The following FARS2 variants were observed in gnomAD, a reference collection of about 807,000 sequenced individuals.
FARS2 encodes the protein phenylalanine--tRNA ligase, mitochondrial.
In FARS2, 40 loss-of-function variants were observed where a neutral mutation model predicts 46.4. That is an observed-to-expected ratio of 0.86 (90% CI 0.67 to 1.12). FARS2 has a LOEUF of 1.12. Ranked by LOEUF, FARS2 falls within the 50% of genes most tolerant of loss-of-function variation. The pLI is 0.00. For synonymous variants in FARS2, 234 were observed against 214.9 expected (o/e 1.09, Z -0.78); for missense variants, 513 against 567.9 (o/e 0.90, Z 0.98).
chr6:5,406,665 T>C (rs1761615257), intron 3 of FARS2, among the ~76,000 whole-genome samples: 1 of 152,146 alleles, frequency 6.6e-6, no homozygotes, highest in Non-Finnish European at 1.5e-5. Flanking sequence ...TATCCATACA[T>C]TCATTGATAG....
chr6:5,545,333 A>C lies in FARS2; in HGVS notation c.1058A>C (p.Lys353Thr). The C allele has an allele frequency of 6.2e-7, 1 of 1,613,394 alleles. No homozygotes were observed. The highest frequency in any genetic ancestry group is 8.5e-7 in the Non-Finnish European group (1 of 1,179,564). Residue 353 changes from lysine (K) to threonine (T), a missense_variant, in exon 5 of 7, where the codon AAG (lysine) becomes ACG (threonine). By Grantham distance (78) the Lys-to-Thr change is moderately conservative. Coordinates refer to ENST00000274680, the MANE Select transcript of FARS2 (RefSeq NM_006567.5). ...GTATCCAACATTAATCAGAAGGTGAAGTTTCAGGTAAGATGACTTGCAAGA... is the reference window on the plus strand; with the variant it reads ...GTATCCAACATTAATCAGAAGGTGACGTTTCAGGTAAGATGACTTGCAAGA... ...FCVSNINQKV[K>T]FQPLSKYPAV...
At chr6:5,446,848 G>A (rs751887608) in intron 4 of FARS2, among the ~76,000 whole-genome samples, 12 of 152,084 alleles carry the variant, frequency 7.9e-5, no homozygotes, top group African/African-American at 1.7e-4. Flanking sequence ...CATTTCCCCC[G>A]CTGTGTCATG....
At position 5,716,162 on chromosome 6, in the gene FARS2, T is replaced by A. The variant is rs866775887; in HGVS notation, c.1218-55129T>A. Among the ~76,000 whole-genome samples the A allele has an allele frequency of 7.9e-5, 12 of 152,330 alleles. No homozygotes were observed. In the Middle Eastern group the frequency reaches 0.01, roughly 130 times the overall value. On this transcript the variant is annotated intron_variant, in intron 6 of 6. Transcript: ENST00000274680. ...TATAAATACTCATATAGTATACCTA[T>A]AACAGGATAAAGACACTTTTAAAGA...
chr6:5,263,336 T>C (rs965244977), intron 1 of FARS2, among the ~76,000 whole-genome samples: 2 of 152,234 alleles, frequency 1.3e-5, no homozygotes, highest in African/African-American at 4.8e-5. Context: ...GTACGAGCAA[T>C]GGTTGCAGTT....
intron 6 of FARS2, among the ~76,000 whole-genome samples, chr6:5,674,984 C>T (rs1582731957): frequency 6.6e-6 from 1 of 152,304 alleles, no homozygotes; most frequent in East Asian, 1.9e-4. Context: ...TTCCTTTTTA[C>T]TACTGGTCAT....
At chr6:5,359,726 AGAC>A (rs1461860979) in intron 1 of FARS2, among the ~76,000 whole-genome samples, 1 of 152,258 alleles carries the variant, frequency 6.6e-6, no homozygotes, top group East Asian at 1.9e-4. Flanking sequence ...TACGTTGTTG[AGAC>A]CAATGATAGA....
intron 6 of FARS2, among the ~76,000 whole-genome samples, chr6:5,694,098 T>G (rs1240889941): frequency 6.6e-6 from 1 of 152,232 alleles, no homozygotes; most frequent in Non-Finnish European, 1.5e-5. Context: ...ATTTGAGAGA[T>G]TGTGCTGTGC....
chr6:5,512,512 GC>G (rs1768520031), intron 4 of FARS2, among the ~76,000 whole-genome samples: 1 of 152,100 alleles, frequency 6.6e-6, no homozygotes, highest in South Asian at 2.1e-4. Flanking sequence ...AGAAATCATT[GC>G]TTTCTACCTA....
At chr6:5,260,896 C>T, upstream of FARS2, 1 of 1,395,852 alleles carries the variant, frequency 7.2e-7, no homozygotes, top group South Asian at 1.6e-5. Flanking sequence ...CCCTGCGGAT[C>T]GCGGACGGCG....
intron 6 of FARS2, among the ~76,000 whole-genome samples, chr6:5,766,520 T>A (rs1762759030): frequency 2.0e-5 from 3 of 152,248 alleles, no homozygotes. Flanking sequence ...TCCATCTCAT[T>A]TTTTAACAGA....
At chr6:5,485,285 G>C (rs1357133007) in intron 4 of FARS2, among the ~76,000 whole-genome samples, 1 of 152,138 alleles carries the variant, frequency 6.6e-6, no homozygotes, top group Admixed American at 6.5e-5. Context: ...AATAAGACAT[G>C]AGATAATGAA....
Position 5,591,009 on chromosome 6 carries a change from A to G in FARS2, c.1066-22160A>G, listed in dbSNP as rs529313236. ...GATATGGTGTAAATTATGCATATCAATCACATATAAAAAACACACAGATCA... is the reference window on the plus strand; with the variant it reads ...GATATGGTGTAAATTATGCATATCAGTCACATATAAAAAACACACAGATCA... On this transcript the variant is annotated intron_variant, in intron 5 of 6. Coordinates refer to ENST00000274680, the MANE Select transcript of FARS2 (RefSeq NM_006567.5). Among the ~76,000 whole-genome samples, 29 of 152,302 alleles carry G rather than the reference A, an allele frequency of 1.9e-4. 1 individual carries two copies. The highest frequency in any genetic ancestry group is 6.5e-4 in the African/African-American group (27 of 41,582).
chr6:5,723,184 AGT>A (rs1468446809), intron 6 of FARS2, among the ~76,000 whole-genome samples: 1 of 152,124 alleles, frequency 6.6e-6, no homozygotes, highest in East Asian at 1.9e-4. Context: ...GCCACTCGCG[AGT>A]GTGTCGGGAG....
At chr6:5,743,364 C>T (rs1403478082) in intron 6 of FARS2, among the ~76,000 whole-genome samples, 1 of 152,184 alleles carries the variant, frequency 6.6e-6, no homozygotes, top group Admixed American at 6.5e-5. Flanking sequence ...TTTGGGGGTG[C>T]TGGCCACAAG....
intron 2 of FARS2, among the ~76,000 whole-genome samples, chr6:5,372,951 T>A (rs187107281): frequency 3.6e-4 from 55 of 152,268 alleles, no homozygotes; most frequent in African/African-American, 1.3e-3. Flanking sequence ...GGGTGTATAG[T>A]CTTTGAATAT....
chr6:5,715,026 A>G, intron 6 of FARS2, among the ~76,000 whole-genome samples: 1 of 152,224 alleles, frequency 6.6e-6, no homozygotes, highest in East Asian at 1.9e-4. Context: ...TTTCATCTCA[A>G]AAATAAAAAA....
chr6:5,479,693 T>C (rs1766331459), intron 4 of FARS2, among the ~76,000 whole-genome samples: 2 of 152,232 alleles, frequency 1.3e-5, no homozygotes, highest in Admixed American at 1.3e-4. Context: ...GTGACCCAGT[T>C]CAGGCGGTAT....
chr6:5,388,316 C>T (rs57366012), intron 2 of FARS2, among the ~76,000 whole-genome samples: 4,161 of 152,264 alleles, frequency 0.027, 187 homozygotes, highest in African/African-American at 0.095. Flanking sequence ...TTATCAAGTT[C>T]ATATGACCCT....
At chr6:5,761,259 A>G (rs1036392408) in intron 6 of FARS2, among the ~76,000 whole-genome samples, 27 of 152,216 alleles carry the variant, frequency 1.8e-4, no homozygotes, top group Non-Finnish European at 3.2e-4. Flanking sequence ...ATTCATGTAT[A>G]AATGTCTTAT....
Sources: gnomAD v4.1 joint callset for allele counts (sites outside exome capture counted in the v4.1 genomes callset) on GRCh38, gnomAD v4.1.1 for gene constraint, MANE v1.5 for transcripts, NCBI Gene and HGNC (gene_info 2026-07-23, HGNC 2026-07-21) for gene names.